The following CENPP variants were observed in gnomAD, a reference collection of about 807,000 sequenced individuals.
CENPP encodes the protein centromere protein P.
CENPP carries 24 observed loss-of-function variants against 35.6 expected under a neutral mutation model. The ratio of observed to expected loss-of-function variants is 0.67; its 90% CI spans 0.49 to 0.95. The LOEUF (loss-of-function observed/expected upper bound fraction) is 0.95, where lower values mean the gene tolerates loss of function less well. Ranked by LOEUF, CENPP falls within the 40% of genes least tolerant of loss-of-function variation. CENPP has a pLI of 0.00. For missense variants in CENPP, 332 were observed against 345.3 expected, an observed-to-expected ratio of 0.96 and a Z score of 0.31; for synonymous variants, 120 against 125.5, an observed-to-expected ratio of 0.96 and a Z score of 0.29.
chr9:92,443,470 CAG>C (rs902013545), intron 5 of CENPP, among the ~76,000 whole-genome samples: 2 of 152,100 alleles, frequency 1.3e-5, no homozygotes, highest in Non-Finnish European at 2.9e-5. Flanking sequence ...CTGAAAGACT[CAG>C]TATTGCTAAG....
At chr9:92,352,538 T>TATATATATATATATATATATATATAA (rs1464334295) in intron 4 of CENPP, among the ~76,000 whole-genome samples, 3 of 114,434 alleles carry the variant, frequency 2.6e-5, no homozygotes, top group Non-Finnish European at 5.1e-5. Flanking sequence ...TATATATATA[T>TATATATATATATATATATATATATAA]AATATAACGG....
At chr9:92,469,896 C>G (rs1158521852) in intron 5 of CENPP, among the ~76,000 whole-genome samples, 1 of 152,224 alleles carries the variant, frequency 6.6e-6, no homozygotes, top group Non-Finnish European at 1.5e-5. Context: ...AAGACAGGGT[C>G]TTACTGTGTC....
chr9:92,383,858 T>A (rs976706636), intron 5 of CENPP: 1 of 152,162 alleles, frequency 6.6e-6, no homozygotes, highest in Non-Finnish European at 1.5e-5. Flanking sequence ...ATAAGTTTTA[T>A]CATAAAAATA....
At chr9:92,459,563 G>A in intron 5 of CENPP, 2 of 1,476,400 alleles carry the variant, frequency 1.4e-6, no homozygotes, top group South Asian at 2.4e-5. Context: ...TGCTTGAGGT[G>A]TGCTAAAGTG....
At chr9:92,478,096 T>C (rs1380760462) in intron 5 of CENPP, among the ~76,000 whole-genome samples, 2 of 152,056 alleles carry the variant, frequency 1.3e-5, no homozygotes, top group Non-Finnish European at 2.9e-5. Context: ...ATAATGGGAT[T>C]ATAAGCAAAG....
intron 3 of CENPP, among the ~76,000 whole-genome samples, chr9:92,340,998 T>C (rs550516877): frequency 6.0e-4 from 92 of 152,290 alleles, no homozygotes; most frequent in Admixed American, 1.0e-3. Flanking sequence ...CTGAATTCTT[T>C]TTCTCAGCAT....
chr9:92,571,378 A>C (rs1350220378), intron 5 of CENPP, among the ~76,000 whole-genome samples: 1 of 152,154 alleles, frequency 6.6e-6, no homozygotes, highest in Non-Finnish European at 1.5e-5. Flanking sequence ...GTTTCCATGT[A>C]GTTGAGCGGT....
chr9:92,475,297 T>C (rs1237587654), intron 5 of CENPP, among the ~76,000 whole-genome samples: 1 of 152,152 alleles, frequency 6.6e-6, no homozygotes, highest in Non-Finnish European at 1.5e-5. Flanking sequence ...ACAAAATGCT[T>C]GCAAAGACAC....
intron 5 of CENPP, among the ~76,000 whole-genome samples, chr9:92,464,085 G>A (rs1845214450): frequency 2.0e-5 from 3 of 152,194 alleles, no homozygotes; most frequent in Admixed American, 6.5e-5. Context: ...GTAAAAATAT[G>A]TTGTTAATCA....
At chr9:92,359,486 G>A (rs757704215) in intron 4 of CENPP, among the ~76,000 whole-genome samples, 17 of 151,860 alleles carry the variant, frequency 1.1e-4, no homozygotes, top group Non-Finnish European at 2.5e-4. Context: ...TTTGTTTCTG[G>A]GCTTGAAGCT....
chr9:92,368,953 AG>A (rs1410102507), intron 4 of CENPP, among the ~76,000 whole-genome samples: 1 of 152,112 alleles, frequency 6.6e-6, no homozygotes, highest in Non-Finnish European at 1.5e-5. Context: ...CTGACATGGG[AG>A]GGTCTCTTGA....
chr9:92,570,204 G>T (rs1457747348), intron 5 of CENPP, among the ~76,000 whole-genome samples: 1 of 152,098 alleles, frequency 6.6e-6, no homozygotes, highest in Non-Finnish European at 1.5e-5. Flanking sequence ...GTATGATATT[G>T]GCTGTGGGTT....
At chr9:92,452,268 G>A (rs1358784043) in intron 5 of CENPP, among the ~76,000 whole-genome samples, 4 of 151,962 alleles carry the variant, frequency 2.6e-5, no homozygotes, top group African/African-American at 7.3e-5. Context: ...TTTGAGATAC[G>A]TCCCATCAAT....
At chr9:92,344,962 A>G (rs1026898668) in intron 3 of CENPP, among the ~76,000 whole-genome samples, 1 of 151,390 alleles carries the variant, frequency 6.6e-6, no homozygotes, top group Non-Finnish European at 1.5e-5. Context: ...AGGTCAAGAG[A>G]TTGAGACCGC....
intron 5 of CENPP, among the ~76,000 whole-genome samples, chr9:92,553,504 T>G (rs1849658714): frequency 6.6e-6 from 1 of 152,186 alleles, no homozygotes; most frequent in Non-Finnish European, 1.5e-5. Context: ...GGCAGTATGA[T>G]CATTTCCACA....
chr9:92,447,507 G>T (rs186881840), intron 5 of CENPP, among the ~76,000 whole-genome samples: 303 of 152,270 alleles, frequency 2.0e-3, no homozygotes, highest in African/African-American at 7.0e-3. Flanking sequence ...AATGGGAAGT[G>T]GCTGTAAATA....
intron 5 of CENPP, among the ~76,000 whole-genome samples, chr9:92,540,110 A>G (rs953453015): frequency 2.0e-5 from 3 of 152,238 alleles, no homozygotes; most frequent in African/African-American, 4.8e-5. Flanking sequence ...TCCAATACTG[A>G]TAGTTTGATA....
At chr9:92,411,980 T>A (rs914376112) in intron 5 of CENPP, among the ~76,000 whole-genome samples, 1 of 152,232 alleles carries the variant, frequency 6.6e-6, no homozygotes, top group African/African-American at 2.4e-5. Flanking sequence ...AGTTGTTTGA[T>A]CTTCTCTTTA....
At chr9:92,554,049 G>T (rs150587890) in intron 5 of CENPP, among the ~76,000 whole-genome samples, 2 of 152,132 alleles carry the variant, frequency 1.3e-5, no homozygotes, top group Non-Finnish European at 2.9e-5. Flanking sequence ...TGGGTTTGTC[G>T]TAGATGGCTT....
Sources: gnomAD v4.1 joint callset for allele counts (sites outside exome capture counted in the v4.1 genomes callset) on GRCh38, gnomAD v4.1.1 for gene constraint, MANE v1.5 for transcripts, NCBI Gene and HGNC (gene_info 2026-07-23, HGNC 2026-07-21) for gene names.